Variants in KCNIP1 observed in about 807,000 individuals in gnomAD.
KCNIP1 encodes the protein potassium voltage-gated channel interacting protein 1.
KCNIP1 carries 18 observed loss-of-function variants against 33.0 expected under a neutral mutation model. That is an observed-to-expected ratio of 0.55 (90% CI 0.38 to 0.81). KCNIP1 has a LOEUF of 0.81. Ranked by LOEUF, KCNIP1 falls within the 30% of genes least tolerant of loss-of-function variation. KCNIP1 has a pLI of 0.00. For synonymous variants in KCNIP1, 93 were observed against 98.3 expected (o/e 0.95, Z 0.32); for missense variants, 238 against 271.6 (o/e 0.88, Z 0.87).
Position 170,590,899 on chromosome 5 carries a change from G to T in KCNIP1, c.61+86266G>T, listed in dbSNP as rs564079277. Among the ~76,000 whole-genome samples the T allele has an allele frequency of 7.2e-5, 11 of 152,318 alleles. No individual in the cohort carries two copies. The South Asian group carries it at 1.7e-3, about 23-fold the overall frequency. On this transcript the variant is annotated intron_variant, in intron 1 of 7. Coordinates refer to ENST00000328939, the MANE Select transcript of KCNIP1 (RefSeq NM_014592.4). ...TCCTCGCCCTTACACTGCTGGCTGG[G>T]AAAGGGAGCCTGGAGGAAGCCTCAG...
chr5:170,355,132 G>A (rs1399994027), intron 1 of KCNIP1, among the ~76,000 whole-genome samples: 2 of 152,194 alleles, frequency 1.3e-5, no homozygotes, highest in African/African-American at 4.8e-5. Flanking sequence ...CCTTCCTTGG[G>A]ATGTTCTGAC....
intron 5 of KCNIP1, among the ~76,000 whole-genome samples, chr5:170,731,207 A>G (rs1165751731): frequency 6.6e-6 from 1 of 152,216 alleles, no homozygotes; most frequent in Non-Finnish European, 1.5e-5. Flanking sequence ...ATTATCAGTA[A>G]TAAGACATCT....
chr5:170,410,866 C>A (rs1042002198), intron 1 of KCNIP1, among the ~76,000 whole-genome samples: 1 of 152,158 alleles, frequency 6.6e-6, no homozygotes, highest in African/African-American at 2.4e-5. Context: ...GATGGTGGAA[C>A]AGGGCCCCAC....
chr5:170,633,465 T>C (rs997527718), intron 1 of KCNIP1, among the ~76,000 whole-genome samples: 17 of 149,686 alleles, frequency 1.1e-4, no homozygotes, highest in African/African-American at 4.0e-4. Flanking sequence ...GAGGAGAGCT[T>C]TTCAGGAAGA....
chr5:170,550,640 CAAT>C (rs1242321706), intron 1 of KCNIP1, among the ~76,000 whole-genome samples: 1 of 145,686 alleles, frequency 6.9e-6, no homozygotes, highest in Non-Finnish European at 1.5e-5. Flanking sequence ...ATGGTGATGA[CAAT>C]GATGGTAACA....
chr5:170,385,783 T>C (rs995682064), intron 1 of KCNIP1, among the ~76,000 whole-genome samples: 1 of 151,948 alleles, frequency 6.6e-6, no homozygotes, highest in African/African-American at 2.4e-5. Context: ...AAGCTATCAA[T>C]GTTACTTTAT....
chr5:170,665,161 T>C (rs1047660478), intron 1 of KCNIP1, among the ~76,000 whole-genome samples: 1 of 152,126 alleles, frequency 6.6e-6, no homozygotes, highest in African/African-American at 2.4e-5. Flanking sequence ...AATGGGGCAA[T>C]TGATTTAAAG....
At position 170,625,048 on chromosome 5, in the gene KCNIP1, GT is replaced by G. The variant is rs145906068; in HGVS notation, c.62-93706del. Among the ~76,000 whole-genome samples the G allele has an allele frequency of 1.2e-4, 18 of 152,216 alleles. No individual in the cohort carries two copies. In the East Asian group the frequency reaches 3.5e-3, roughly 29 times the overall value. On this transcript the variant is annotated intron_variant, in intron 1 of 7. Transcript: ENST00000328939. Reference sequence around the variant, plus strand: ...GCAGATGGATGCCCTCGTGAGCTGAGTTTTGATGAACATCCCATGTCCCCAG... The same window carrying G: ...GCAGATGGATGCCCTCGTGAGCTGAGTTTGATGAACATCCCATGTCCCCAG...
rs747210606 is a variant in KCNIP1, at chr5:170,555,575, T to C, written c.61+50942T>C. ...CTTCCCTTCCTACTTTACAGCATTG[T>C]GGCTCAGGGAGAGCACACATGCCCT... On this transcript the variant is annotated intron_variant, in intron 1 of 7. Transcript: ENST00000328939. 5.2e-4 allele frequency among the ~76,000 whole-genome samples: 79 copies of C among 152,292 alleles called. 1 individual carries two copies. Among genetic ancestry groups the C allele is most frequent in the South Asian group, 2.1e-4 (1 of 4,818 alleles).
At position 170,721,628 on chromosome 5, in the gene KCNIP1, A is replaced by G; in HGVS notation, c.257-205A>G. The G allele has an allele frequency of 1.8e-5, 17 of 950,156 alleles. No homozygotes were observed. The South Asian group carries it at 2.5e-4, about 14-fold the overall frequency. The allele number at this position is 950,156 out of a possible 1,614,324, so 58.9% of individuals were successfully genotyped here. On this transcript the variant is annotated intron_variant, in intron 3 of 7. Transcript: ENST00000328939. ...TCTCATGATGGCTAGAGGGAGGGGC[A>G]AGGGCTCATCTCACTTTTTGCTAGA...
At chr5:170,452,208 G>C (rs1023255859) in intron 1 of KCNIP1, among the ~76,000 whole-genome samples, 2 of 152,168 alleles carry the variant, frequency 1.3e-5, no homozygotes, top group Admixed American at 6.5e-5. Context: ...ACAGTGGTTG[G>C]GTAATGGGCT....
intron 1 of KCNIP1, among the ~76,000 whole-genome samples, chr5:170,449,306 AG>A (rs1756190666): frequency 6.6e-6 from 1 of 152,238 alleles, no homozygotes; most frequent in Admixed American, 6.5e-5. Flanking sequence ...TGAGCTTCTA[AG>A]CTCTTTGTCC....
At chr5:170,620,064 G>C (rs1759542803) in intron 1 of KCNIP1, among the ~76,000 whole-genome samples, 2 of 152,176 alleles carry the variant, frequency 1.3e-5, no homozygotes, top group African/African-American at 4.8e-5. Flanking sequence ...AGTCTCCGTT[G>C]ACTCATCTCA....
chr5:170,605,796 A>C (rs143516779), intron 1 of KCNIP1, among the ~76,000 whole-genome samples: 2 of 104,350 alleles, frequency 1.9e-5, no homozygotes, highest in East Asian at 6.2e-4. Flanking sequence ...TTTTTTTGAG[A>C]TGGAGTATCC....
chr5:170,517,488 T>C (rs567663139), intron 1 of KCNIP1, among the ~76,000 whole-genome samples: 18 of 151,416 alleles, frequency 1.2e-4, no homozygotes, highest in African/African-American at 4.4e-4. Flanking sequence ...ATGGCAATAA[T>C]GATGATGATG....
At chr5:170,524,415 G>A (rs1755492803) in intron 1 of KCNIP1, among the ~76,000 whole-genome samples, 1 of 152,170 alleles carries the variant, frequency 6.6e-6, no homozygotes, top group Non-Finnish European at 1.5e-5. Flanking sequence ...ACACTGTGTG[G>A]GTTTCAATCT....
chr5:170,684,818 T>C (rs1220581714), intron 1 of KCNIP1, among the ~76,000 whole-genome samples: 1 of 152,192 alleles, frequency 6.6e-6, no homozygotes, highest in Non-Finnish European at 1.5e-5. Flanking sequence ...TCATATTTGG[T>C]TGGCTATTTT....
chr5:170,597,009 G>A (rs1379659121), intron 1 of KCNIP1, among the ~76,000 whole-genome samples: 1 of 152,202 alleles, frequency 6.6e-6, no homozygotes, highest in Non-Finnish European at 1.5e-5. Context: ...TTTTACCTTG[G>A]GAAACCAAGG....
intron 1 of KCNIP1, among the ~76,000 whole-genome samples, chr5:170,651,577 CTA>C (rs1236122472): frequency 3.3e-5 from 5 of 152,180 alleles, no homozygotes; most frequent in African/African-American, 1.2e-4. Flanking sequence ...CCCTTGCCAT[CTA>C]TAATCTTCTA....
Sources: gnomAD v4.1 joint callset for allele counts (sites outside exome capture counted in the v4.1 genomes callset) on GRCh38, gnomAD v4.1.1 for gene constraint, MANE v1.5 for transcripts, NCBI Gene and HGNC (gene_info 2026-07-23, HGNC 2026-07-21) for gene names.